ZNF276: variants seen among roughly 807,000 people sequenced by gnomAD.
ZNF276 encodes zinc finger protein 276, also known as centromere protein Z.
Under a neutral mutation model 63.9 loss-of-function variants are expected in ZNF276, and 59 were observed. The observed-to-expected ratio is 0.92, with a 90% confidence interval of 0.75 to 1.15. The LOEUF (loss-of-function observed/expected upper bound fraction) is 1.15. Among genes scored for constraint, ZNF276 ranks in the 50% most tolerant of loss-of-function variants. The pLI is 0.00. For synonymous variants in ZNF276, 496 were observed against 348.4 expected (o/e 1.42, Z -4.72); for missense variants, 1,084 against 843.8 (o/e 1.28, Z -3.53).
rs1467062083 is a variant in ZNF276, at chr16:89,738,060, CTT to C, written c.1661_1662del (p.Phe554CysfsTer3). 1 of 1,614,032 alleles carries C rather than the reference CTT, an allele frequency of 6.2e-7. No homozygotes were observed. The highest frequency in any genetic ancestry group is 8.5e-7 in the Non-Finnish European group (1 of 1,180,060). On this transcript the variant is annotated frameshift_variant, in exon 11 of 11. Transcript: ENST00000443381. LOFTEE classifies it high-confidence loss of function. ...AACACAAGGCTGAGACTGAGCTGGA[CTT>C]TGCCTGTGACCAGTGTGGCCGGCGG... is the stretch of plus-strand genomic sequence containing the variant. ...TKHKAETELD[F>X]ACDQCGRRFE...
At chr16:89,734,363 T>C (rs2061778559) in intron 9 of ZNF276, among the ~76,000 whole-genome samples, 1 of 152,210 alleles carries the variant, frequency 6.6e-6, no homozygotes, top group African/African-American at 2.4e-5. Context: ...TCCTGCTCTG[T>C]TGCCCAGGCT....
At chr16:89,734,660 C>CA (rs1433098462) in intron 9 of ZNF276, among the ~76,000 whole-genome samples, 2 of 152,120 alleles carry the variant, frequency 1.3e-5, no homozygotes, top group African/African-American at 4.8e-5. Context: ...GGCATGAAGG[C>CA]ACACCAGCTC....
chr16:89,723,856 G>C (rs948486598), intron 4 of ZNF276, 147 bp downstream of exon 4: 1 of 906,616 alleles, frequency 1.1e-6, no homozygotes, highest in Non-Finnish European at 1.6e-6. Context: ...TTCTGCCTGC[G>C]GCTGCTCACC....
intron 9 of ZNF276, 119 bp from the exon 10 acceptor site, chr16:89,737,687 G>T: frequency 6.4e-7 from 1 of 1,555,384 alleles, no homozygotes. Context: ...TGGGCCCACT[G>T]CATGGTGAAC....
intron 7 of ZNF276, 30 bp from the exon 8 acceptor site, chr16:89,733,450 GGC>G: frequency 6.2e-7 from 1 of 1,614,160 alleles, no homozygotes; most frequent in Non-Finnish European, 8.5e-7. Context: ...TGCCTGTCGG[GGC>G]CGGGGCTCCA....
At chr16:89,723,969 C>T (rs1366417088) in intron 4 of ZNF276, among the ~76,000 whole-genome samples, 3 of 152,334 alleles carry the variant, frequency 2.0e-5, no homozygotes, top group East Asian at 1.9e-4. Flanking sequence ...GCTCATCAGC[C>T]GTCGAGTCTT....
intron 4 of ZNF276, 143 bp downstream of exon 4, chr16:89,723,852 C>CT (rs1182027581): frequency 1.1e-6 from 1 of 929,026 alleles, no homozygotes; most frequent in Non-Finnish European, 1.6e-6. Flanking sequence ...GGGCTTCTGC[C>CT]TGCGGCTGCT....
At chr16:89,725,252 T>G (rs990452380) in intron 4 of ZNF276, among the ~76,000 whole-genome samples, 3 of 149,454 alleles carry the variant, frequency 2.0e-5, no homozygotes, top group Non-Finnish European at 4.4e-5. Flanking sequence ...TTCACCATGT[T>G]GGCCAGGCTT....
Position 89,723,576 on chromosome 16 carries a change from A to G in ZNF276, c.873A>G (p.Thr291=), listed in dbSNP as rs2061374655. The change falls in exon 4 of 11, where the codon ACA becomes ACG. Residue 291 remains threonine, a synonymous_variant. Coordinates refer to ENST00000443381, the MANE Select transcript of ZNF276 (RefSeq NM_001113525.2). ...DAPQTSQGRG[T]GTPVGAETKT... is the part of the protein sequence containing the mutation. ...CTCAGACCTCCCAGGGTAGAGGGACAGGGACCCCAGTTGGGGCTGAGACCA... is the reference window on the plus strand; with the variant it reads ...CTCAGACCTCCCAGGGTAGAGGGACGGGGACCCCAGTTGGGGCTGAGACCA... 1 of 1,612,706 alleles carries G rather than the reference A, an allele frequency of 6.2e-7. No homozygotes were observed.
rs747429308 is a variant in ZNF276 at position 89,726,186 on chromosome 16, TTTTGTA to T, written c.1007-1075_1007-1070del. 1.6e-3 allele frequency among the ~76,000 whole-genome samples: 239 copies of T among 151,978 alleles called. 2 individuals carry two copies. Among genetic ancestry groups the T allele is most frequent in the Non-Finnish European group, 1.5e-3 (105 of 67,930 alleles). Reference sequence around the variant, plus strand: ...TTGTGCCACCACACCCTGCTAATTTTTTTGTATTTGTATTTGTATTTGTTTTGAGAA... The same window carrying T: ...TTGTGCCACCACACCCTGCTAATTTTTTTGTATTTGTATTTGTTTTGAGAA... On this transcript the variant is annotated intron_variant, in intron 4 of 10. Transcript: ENST00000443381.
At chr16:89,733,273 C>G (rs778888573) in intron 6 of ZNF276, 29 bp from the exon 7 acceptor site, 2 of 1,593,334 alleles carry the variant, frequency 1.3e-6, no homozygotes, top group Admixed American at 1.7e-5. Context: ...GATCAGAAAC[C>G]ATTGAATTTG....
chr16:89,722,617 G>T lies in ZNF276; in HGVS notation c.292G>T (p.Ala98Ser). 1 of 1,612,018 alleles carries T rather than the reference G, an allele frequency of 6.2e-7. No homozygotes were observed. Residue 98 changes from alanine (A) to serine (S), a missense_variant, in exon 2 of 11, where the codon GCG becomes TCG. Transcript: ENST00000443381. ...AAGCCTGCGCAGCATCTCCGAGAGG[G>T]CGCCTGGAGCGAGCATGGAGAGGCC... ...SRSLRSISERAPGASMERPSA... is the reference protein window; with the variant it reads ...SRSLRSISERSPGASMERPSA...
intron 8 of ZNF276, 152 bp from the exon 9 acceptor site, chr16:89,733,769 G>T: frequency 1.2e-6 from 1 of 867,480 alleles, no homozygotes; most frequent in Non-Finnish European, 1.8e-6. Flanking sequence ...GGGTCTAGAA[G>T]TTTCTTGGAG....
At position 89,721,574 on chromosome 16, in the gene ZNF276, C is replaced by T. The variant is rs945216609; in HGVS notation, c.-67C>T. ...TTCCAGCGCGCCGAGCGGAGCCTAA[C>T]GCCGGGTCCTCTAGGAACCTCGGGC... On this transcript the variant is annotated 5_prime_UTR_variant, in exon 1 of 11. It adds an upstream start codon to the 5' untranslated region. Transcript: ENST00000443381. The T allele has an allele frequency of 7.1e-6, 10 of 1,417,090 alleles. No individual in the cohort carries two copies. The highest frequency in any genetic ancestry group is 1.5e-5 in the African/African-American group (1 of 66,640). 87.8% of individuals were successfully genotyped at this position (1,417,090 alleles called of 1,614,324 possible).
intron 9 of ZNF276, among the ~76,000 whole-genome samples, chr16:89,735,903 G>T (rs6500438): frequency 0.41 from 32,808 of 80,914 alleles, 4,136 homozygotes; most frequent in East Asian, 0.58. Context: ...TTGTTTGTTT[G>T]TTTTTTTGAC....
chr16:89,721,593 C>T lies in ZNF276; in HGVS notation c.-48C>T. ...GCCTAACGCCGGGTCCTCTAGGAAC[C>T]TCGGGCCGGGCAGCACCCGCGGGAT... On this transcript the variant is annotated 5_prime_UTR_variant, in exon 1 of 11. Transcript: ENST00000443381. The T allele has an allele frequency of 6.8e-7, 1 of 1,464,838 alleles. No individual in the cohort carries two copies. The highest frequency in any genetic ancestry group is 9.0e-7 in the Non-Finnish European group (1 of 1,112,260). The allele number at this position is 1,464,838 out of a possible 1,614,324, so 90.7% of individuals were successfully genotyped here.
chr16:89,724,751 C>T (rs1312604669), intron 4 of ZNF276, among the ~76,000 whole-genome samples: 1 of 152,204 alleles, frequency 6.6e-6, no homozygotes, highest in Admixed American at 6.5e-5. Context: ...AGTGTCACAT[C>T]TTAGAGCTGC....
In ZNF276 at chr16:89,733,427, GCGAGGCTCGCCCTGCCTGTC is replaced by G; in HGVS notation, c.1280+16_1280+35del. 1 of 1,614,060 alleles carries G rather than the reference GCGAGGCTCGCCCTGCCTGTC, an allele frequency of 6.2e-7. No homozygotes were observed. Among genetic ancestry groups the G allele is most frequent in the Non-Finnish European group, 8.5e-7 (1 of 1,179,922 alleles). ...CGTTGTGAGAGGTGATGCCTGCAAC[GCGAGGCTCGCCCTGCCTGTC>G]GGGGCCGGGGCTCCATGCATGCTCT... On this transcript the variant is annotated intron_variant, in intron 7 of 10. Transcript: ENST00000443381.
rs2151712252 is a variant in ZNF276, at chr16:89,739,340, C to A, written c.*1094C>A. Reference sequence around the variant, plus strand: ...TGGCTACAGACTGCTGGAAAGGTAGCAGGTGATGCCAAGGGATACTGCTCA... The same window carrying A: ...TGGCTACAGACTGCTGGAAAGGTAGAAGGTGATGCCAAGGGATACTGCTCA... On this transcript the variant is annotated 3_prime_UTR_variant, in exon 11 of 11. Transcript: ENST00000443381. 6.2e-7 allele frequency: 1 copy of A among 1,610,218 alleles called. No homozygotes were observed.
Sources: allele counts gnomAD v4.1 joint callset (sites outside exome capture counted in the v4.1 genomes callset), GRCh38; gene constraint gnomAD v4.1.1; transcripts MANE v1.5; gene names NCBI Gene and HGNC (gene_info 2026-07-23, HGNC 2026-07-21).